PSAP: variants seen among roughly 807,000 people sequenced by gnomAD.
PSAP encodes precursor of saposins.
A neutral mutation model predicts 66.0 loss-of-function variants in PSAP; 25 were observed. The observed-to-expected ratio is 0.38, with a 90% CI of 0.28 to 0.53. The LOEUF (loss-of-function observed/expected upper bound fraction) is 0.53, where lower values mean the gene tolerates loss of function less well. Among genes scored for constraint, PSAP ranks in the 20% least tolerant of loss-of-function variants. PSAP has a pLI of 0.83. For missense variants in PSAP, 649 were observed against 668.8 expected, an observed-to-expected ratio of 0.97 and a Z score of 0.33; for synonymous variants, 273 against 258.9, an observed-to-expected ratio of 1.05 and a Z score of -0.52.
chr10:71,840,994 A>G (rs1332359122), intron 1 of PSAP, among the ~76,000 whole-genome samples: 2 of 152,250 alleles, frequency 1.3e-5, no homozygotes, highest in East Asian at 3.8e-4. Flanking sequence ...AAGCATCAAC[A>G]TATCAGGTGA....
At chr10:71,849,805 A>G (rs7093252) in intron 1 of PSAP, among the ~76,000 whole-genome samples, 117,300 of 152,022 alleles carry the variant, frequency 0.77, 45,401 homozygotes, top group South Asian at 0.8. Context: ...CACCGCACCC[A>G]GATGCAAGAC....
intron 2 of PSAP, among the ~76,000 whole-genome samples, chr10:71,832,242 C>G (rs1842534803): frequency 6.6e-6 from 1 of 152,174 alleles, no homozygotes; most frequent in African/African-American, 2.4e-5. Context: ...CAGGTGAAAT[C>G]AGAGTCACAT....
chr10:71,837,086 A>T (rs921166335), intron 1 of PSAP, among the ~76,000 whole-genome samples: 1 of 152,206 alleles, frequency 6.6e-6, no homozygotes, highest in Non-Finnish European at 1.5e-5. Flanking sequence ...TACGCCTATA[A>T]AGTCAAGTTC....
chr10:71,818,372 A>G (rs1456823351), intron 13 of PSAP, among the ~76,000 whole-genome samples: 2 of 149,872 alleles, frequency 1.3e-5, no homozygotes, highest in African/African-American at 2.4e-5. Context: ...AACAAAGCAG[A>G]AGCAAAAAAA....
rs566578481 is a variant in PSAP at position 71,827,163 on chromosome 10, G to A, written c.720+851C>T. Among the ~76,000 whole-genome samples, 113 of 152,106 alleles carry A rather than the reference G, an allele frequency of 7.4e-4. 2 individuals carry two copies. In the South Asian group the frequency reaches 0.022, roughly 30 times the overall value. ...TGTAATCCCAGCACTTTGGGAGGCC[G>A]AGGCAGGCGGATCATGAGGTCAGGA... On this transcript the variant is annotated intron_variant, in intron 6 of 13. Coordinates refer to ENST00000394936, the MANE Select transcript of PSAP (RefSeq NM_002778.4).
chr10:71,822,387 G>C (rs1005573971), intron 7 of PSAP, among the ~76,000 whole-genome samples: 1 of 152,102 alleles, frequency 6.6e-6, no homozygotes, highest in African/African-American at 2.4e-5. Flanking sequence ...TTTCTAGAGG[G>C]GGAACTACCA....
At chr10:71,825,161 C>T (rs912632620) in intron 7 of PSAP, among the ~76,000 whole-genome samples, 4 of 152,164 alleles carry the variant, frequency 2.6e-5, no homozygotes, top group Non-Finnish European at 1.5e-5. Flanking sequence ...AGAGAACAAA[C>T]TCAAACGCTG....
At chr10:71,821,781 A>C in intron 8 of PSAP, 95 bp downstream of exon 8, 1 of 1,564,104 alleles carries the variant, frequency 6.4e-7, no homozygotes, top group East Asian at 2.3e-5. Flanking sequence ...CAGGGAACCG[A>C]AAGAAACAAG....
chr10:71,846,819 C>A (rs527330234), intron 1 of PSAP, among the ~76,000 whole-genome samples: 1 of 151,578 alleles, frequency 6.6e-6, no homozygotes, highest in African/African-American at 2.4e-5. Context: ...AATATCCAGA[C>A]CCTCCTTCCT....
chr10:71,842,891 G>A (rs2133064146), intron 1 of PSAP, among the ~76,000 whole-genome samples: 1 of 152,168 alleles, frequency 6.6e-6, no homozygotes, highest in South Asian at 2.1e-4. Flanking sequence ...TCATGACAAA[G>A]ACTCGGCACT....
intron 1 of PSAP, among the ~76,000 whole-genome samples, chr10:71,844,030 C>T (rs1274519845): frequency 6.6e-6 from 1 of 152,118 alleles, no homozygotes; most frequent in African/African-American, 2.4e-5. Context: ...ATGAAATTAC[C>T]TCTAGGATAT....
chr10:71,828,145 C>A lies in PSAP; in HGVS notation c.589G>T (p.Val197Phe), dbSNP rs191952316. The change falls in exon 6 of 14, where the codon GTT (valine) becomes TTT (phenylalanine). Residue 197 changes from valine (V) to phenylalanine (F), a missense_variant. Val to Phe is a conservative substitution (Grantham distance 50). Coordinates refer to ENST00000394936, the MANE Select transcript of PSAP (RefSeq NM_002778.4). ...SKPQPKDNGD[V>F]CQDCIQMVTD... ...ACCATCTGAATGCAGTCCTGGCAAA[C>A]GTCCCCATTATCCTACAGAAGAGGC... 5 of 1,614,140 alleles carry A rather than the reference C, an allele frequency of 3.1e-6. No homozygotes were observed. The East Asian group carries it at 1.1e-4, about 36-fold the overall frequency.
chr10:71,828,507 T>A (rs963529061), intron 5 of PSAP, among the ~76,000 whole-genome samples: 1 of 152,058 alleles, frequency 6.6e-6, no homozygotes, highest in African/African-American at 2.4e-5. Flanking sequence ...TAGCCAGGTG[T>A]GGTGGTGTGC....
Position 71,819,127 on chromosome 10 carries a change from G to T in PSAP, c.1351-16C>A. ...ACTGATCACACTATAAAGGAAAGTG[G>T]GGACACAGGTCCAGCTCTGGGGGTG... On this transcript the variant is annotated splice_polypyrimidine_tract_variant and intron_variant, in intron 11 of 13. Transcript: ENST00000394936. 1 of 1,609,512 alleles carries T rather than the reference G, an allele frequency of 6.2e-7. No homozygotes were observed.
At chr10:71,821,829 T>C in intron 8 of PSAP, 47 bp downstream of exon 8, 5 of 1,613,000 alleles carry the variant, frequency 3.1e-6, no homozygotes, top group Non-Finnish European at 4.2e-6. Flanking sequence ...CAGGGAGTAG[T>C]GTGGCATTGC....
intron 11 of PSAP, 112 bp downstream of exon 11, chr10:71,819,353 C>T: frequency 1.3e-6 from 2 of 1,484,566 alleles, no homozygotes; most frequent in Non-Finnish European, 1.9e-6. Context: ...CTTCATTGGA[C>T]TCCATGCCCG....
At chr10:71,820,997 G>A (rs1317564139) in intron 8 of PSAP, among the ~76,000 whole-genome samples, 2 of 152,232 alleles carry the variant, frequency 1.3e-5, no homozygotes, top group African/African-American at 4.8e-5. Context: ...TAAAATTTAA[G>A]TAGTCACATG....
chr10:71,851,114 C>T (rs1842920200), intron 1 of PSAP, 68 bp downstream of exon 1: 3 of 1,521,998 alleles, frequency 2.0e-6, no homozygotes, highest in Admixed American at 3.9e-5. Context: ...AGGCCCGGCA[C>T]AGCCCATTCT....
chr10:71,818,572 C>T, intron 13 of PSAP, 45 bp downstream of exon 13: 1 of 1,541,044 alleles, frequency 6.5e-7, no homozygotes, highest in Non-Finnish European at 9.0e-7. Flanking sequence ...CACAGGCTAC[C>T]CCAGGGCAAG....
Sources: allele counts gnomAD v4.1 joint callset (sites outside exome capture counted in the v4.1 genomes callset), GRCh38; gene constraint gnomAD v4.1.1; transcripts MANE v1.5; gene names NCBI Gene and HGNC (gene_info 2026-07-23, HGNC 2026-07-21).